The following WRN variants were observed in gnomAD, a reference collection of about 807,000 sequenced individuals.
WRN encodes the protein WRN RecQ like helicase.
In WRN, 149 loss-of-function variants were observed where a neutral mutation model predicts 180.7. That is an observed-to-expected ratio of 0.82 (90% CI 0.72 to 0.94). The LOEUF (loss-of-function observed/expected upper bound fraction) is 0.94, where lower values mean the gene tolerates loss of function less well. WRN is among the 40% of genes least tolerant of loss of function. The pLI is 0.00. For missense variants in WRN, 1,661 were observed against 1,700.1 expected, an observed-to-expected ratio of 0.98 and a Z score of 0.40; for synonymous variants, 548 against 568.9, an observed-to-expected ratio of 0.96 and a Z score of 0.52.
At chr8:31,111,030 A>G (rs967103203) in intron 18 of WRN, among the ~76,000 whole-genome samples, 2 of 152,154 alleles carry the variant, frequency 1.3e-5, no homozygotes, top group Non-Finnish European at 2.9e-5. Context: ...AATACGTTTC[A>G]TTTATACATA....
chr8:31,093,906 A>T (rs73581725), intron 16 of WRN, among the ~76,000 whole-genome samples: 2,801 of 152,238 alleles, frequency 0.018, 70 homozygotes, highest in African/African-American at 0.064. Context: ...TTATTTTGAG[A>T]TTCATTCATG....
chr8:31,076,750 T>C (rs1813109626), intron 8 of WRN, among the ~76,000 whole-genome samples: 1 of 152,204 alleles, frequency 6.6e-6, no homozygotes, highest in Non-Finnish European at 1.5e-5. Flanking sequence ...ACTATCTGAT[T>C]ATTACTTAAG....
intron 17 of WRN, among the ~76,000 whole-genome samples, chr8:31,098,911 A>G (rs1814097841): frequency 6.6e-6 from 1 of 152,134 alleles, no homozygotes; most frequent in African/African-American, 2.4e-5. Flanking sequence ...AGAGACCATC[A>G]TTCTGTTTTA....
intron 9 of WRN, among the ~76,000 whole-genome samples, chr8:31,082,580 A>G (rs1236559585): frequency 1.3e-5 from 2 of 152,006 alleles, no homozygotes; most frequent in African/African-American, 4.8e-5. Context: ...ATATAATATT[A>G]TAGGATTATC....
intron 6 of WRN, among the ~76,000 whole-genome samples, chr8:31,067,464 A>G (rs1404913976): frequency 6.6e-6 from 1 of 152,192 alleles, no homozygotes; most frequent in African/African-American, 2.4e-5. Flanking sequence ...CTTGCTGAAA[A>G]CATGAAAGGC....
intron 8 of WRN, 93 bp downstream of exon 8, chr8:31,076,380 G>A (rs534468844): frequency 1.8e-6 from 2 of 1,095,852 alleles, no homozygotes; most frequent in African/African-American, 3.2e-5. Flanking sequence ...ATTCATTAAG[G>A]CTGACTCATA....
At chr8:31,138,720 C>T (rs147518073) in intron 24 of WRN, among the ~76,000 whole-genome samples, 2 of 152,238 alleles carry the variant, frequency 1.3e-5, no homozygotes, top group Non-Finnish European at 2.9e-5. Context: ...CATCAGGACA[C>T]CAAAATTCAT....
intron 11 of WRN, among the ~76,000 whole-genome samples, chr8:31,085,727 C>T (rs1813504026): frequency 6.6e-6 from 1 of 152,110 alleles, no homozygotes; most frequent in South Asian, 2.1e-4. Flanking sequence ...GCCTCAGCCT[C>T]CCAGCGTGCT....
At chr8:31,107,015 TA>T (rs1293914724) in intron 18 of WRN, among the ~76,000 whole-genome samples, 1 of 152,230 alleles carries the variant, frequency 6.6e-6, no homozygotes, top group Non-Finnish European at 1.5e-5. Context: ...TGCTAGTTTC[TA>T]AAGCAAATGA....
intron 19 of WRN, among the ~76,000 whole-genome samples, chr8:31,112,161 A>G (rs1801347263): frequency 6.6e-6 from 1 of 151,982 alleles, no homozygotes; most frequent in Non-Finnish European, 1.5e-5. Context: ...TGCAGCCTCA[A>G]ACTCCTGGGT....
chr8:31,143,024 G>GACAC (rs10529735), intron 27 of WRN, among the ~76,000 whole-genome samples: 16,889 of 136,480 alleles, frequency 0.12, 1,026 homozygotes, highest in African/African-American at 0.15. Flanking sequence ...TCTTATTAAA[G>GACAC]ACACACACAC....
At chr8:31,056,142 T>C (rs913932059) in intron 1 of WRN, among the ~76,000 whole-genome samples, 3 of 152,230 alleles carry the variant, frequency 2.0e-5, no homozygotes, top group Non-Finnish European at 4.4e-5. Flanking sequence ...TGAAGTTTAT[T>C]TCTGTTTTGG....
At chr8:31,139,999 CTTTG>C (rs1802548325) in intron 24 of WRN, among the ~76,000 whole-genome samples, 1 of 74,754 alleles carries the variant, frequency 1.3e-5, no homozygotes, top group African/African-American at 5.3e-5. Context: ...TTGTATACTT[CTTTG>C]TTTTTTTTTT....
chr8:31,042,885 G>A (rs768941962), intron 1 of WRN, among the ~76,000 whole-genome samples: 55 of 152,096 alleles, frequency 3.6e-4, no homozygotes, highest in Non-Finnish European at 5.6e-4. Context: ...CATCAATAGG[G>A]AATTGTTAAA....
At chr8:31,092,185 T>A (rs572712724) in intron 16 of WRN, among the ~76,000 whole-genome samples, 50 of 152,226 alleles carry the variant, frequency 3.3e-4, no homozygotes, top group African/African-American at 1.2e-3. Context: ...TTATTCTCGG[T>A]TCTTGGGCTA....
chr8:31,125,088 G>A (rs1801867936), intron 23 of WRN, 88 bp downstream of exon 23: 1 of 1,276,700 alleles, frequency 7.8e-7, no homozygotes, highest in East Asian at 2.3e-5. Flanking sequence ...TGAATGATAA[G>A]TATTTCAGTT....
At chr8:31,061,825 G>A (rs533302449) in intron 3 of WRN, among the ~76,000 whole-genome samples, 6 of 152,224 alleles carry the variant, frequency 3.9e-5, no homozygotes, top group African/African-American at 1.4e-4. Flanking sequence ...GTGTAAGTCC[G>A]TCCTAAGAAT....
intron 1 of WRN, among the ~76,000 whole-genome samples, chr8:31,045,653 C>T (rs112805556): frequency 0.018 from 2,791 of 152,174 alleles, 68 homozygotes; most frequent in African/African-American, 0.064. Context: ...CTGCCCGCCT[C>T]GGCCTCCGAA....
intron 18 of WRN, among the ~76,000 whole-genome samples, chr8:31,106,881 T>G (rs1217566106): frequency 6.6e-6 from 1 of 152,180 alleles, no homozygotes; most frequent in Non-Finnish European, 1.5e-5. Context: ...GGTGCTCAAT[T>G]TATAATGGGG....
Sources: gnomAD v4.1 joint callset for allele counts (sites outside exome capture counted in the v4.1 genomes callset) on GRCh38, gnomAD v4.1.1 for gene constraint, MANE v1.5 for transcripts, NCBI Gene and HGNC (gene_info 2026-07-23, HGNC 2026-07-21) for gene names.